Variants in CCDC171 observed in about 807,000 individuals in gnomAD.
CCDC171 encodes the protein coiled-coil domain-containing protein 171.
CCDC171 carries 177 observed loss-of-function variants against 168.2 expected under a neutral mutation model. That is an observed-to-expected ratio of 1.05 (90% CI 0.93 to 1.19). The LOEUF (loss-of-function observed/expected upper bound fraction) is 1.19, where lower values mean the gene tolerates loss of function less well. Among genes scored for constraint, CCDC171 ranks in the 50% most tolerant of loss-of-function variants. The pLI, the probability that CCDC171 is intolerant of heterozygous loss-of-function variation, is 0.00. For missense variants in CCDC171, 1,991 were observed against 1,539.0 expected, an observed-to-expected ratio of 1.29 and a Z score of -4.91; for synonymous variants, 687 against 540.8, an observed-to-expected ratio of 1.27 and a Z score of -3.75.
At chr9:16,106,039 C>G in the CCDC171 span, among the ~76,000 whole-genome samples, 1 of 152,204 alleles carries the variant, frequency 6.6e-6, no homozygotes, top group Non-Finnish European at 1.5e-5. Context: ...TGGCACTAAA[C>G]TCTGGCCTCT....
the CCDC171 span, among the ~76,000 whole-genome samples, chr9:16,088,441 C>T: frequency 1.3e-5 from 2 of 152,188 alleles, no homozygotes; most frequent in African/African-American, 4.8e-5. Context: ...TCTCTGTTTG[C>T]AAATGACATG....
At chr9:15,778,676 T>G (rs2057485782) in intron 19 of CCDC171, among the ~76,000 whole-genome samples, 2 of 145,600 alleles carry the variant, frequency 1.4e-5, no homozygotes, top group Admixed American at 1.4e-4. Context: ...GGCATGACAT[T>G]AGTGCTAAAT....
intron 4 of CCDC171, among the ~76,000 whole-genome samples, chr9:15,583,050 A>T (rs2041257615): frequency 6.6e-6 from 1 of 152,218 alleles, no homozygotes; most frequent in African/African-American, 2.4e-5. Flanking sequence ...ACGCAGGTTT[A>T]CAGCAGCACA....
intron 9 of CCDC171, among the ~76,000 whole-genome samples, chr9:15,673,503 T>C (rs1293262476): frequency 3.3e-5 from 5 of 152,226 alleles, no homozygotes; most frequent in South Asian, 2.1e-4. Context: ...ATAGCTCTTA[T>C]TATTTTGAGA....
intron 7 of CCDC171, among the ~76,000 whole-genome samples, chr9:15,632,014 C>T (rs1199412432): frequency 6.6e-6 from 1 of 152,060 alleles, no homozygotes; most frequent in South Asian, 2.1e-4. Context: ...ATTGATGGGA[C>T]GTGTCTCAAA....
chr9:15,628,475 G>A (rs1456366097), intron 7 of CCDC171, among the ~76,000 whole-genome samples: 2 of 152,226 alleles, frequency 1.3e-5, no homozygotes, highest in South Asian at 2.1e-4. Flanking sequence ...GAGGCTAGGG[G>A]AGGGGCGGCT....
At chr9:15,855,521 G>A (rs1033035772) in intron 23 of CCDC171, among the ~76,000 whole-genome samples, 2 of 151,656 alleles carry the variant, frequency 1.3e-5, no homozygotes, top group African/African-American at 2.4e-5. Context: ...ACTTTCAATT[G>A]GATATTTAAA....
At chr9:16,104,730 C>T in the CCDC171 span, among the ~76,000 whole-genome samples, 4 of 133,208 alleles carry the variant, frequency 3.0e-5, no homozygotes, top group African/African-American at 1.2e-4. Context: ...TCATATCATT[C>T]ATTGCTTTTT....
chr9:15,836,182 A>G (rs77610325), intron 21 of CCDC171, among the ~76,000 whole-genome samples: 74 of 152,212 alleles, frequency 4.9e-4, no homozygotes, highest in African/African-American at 1.7e-3. Context: ...ACCCTCTCCT[A>G]TGTTGCAGTG....
chr9:15,706,712 T>C (rs2052267359), intron 11 of CCDC171, among the ~76,000 whole-genome samples: 1 of 152,212 alleles, frequency 6.6e-6, no homozygotes, highest in South Asian at 2.1e-4. Context: ...TCCTTGTGGC[T>C]CAGTCTTGAA....
chr9:15,685,817 C>A (rs1318384531), intron 10 of CCDC171, among the ~76,000 whole-genome samples: 3 of 152,136 alleles, frequency 2.0e-5, no homozygotes, highest in Non-Finnish European at 1.5e-5. Flanking sequence ...AGCTAACTTT[C>A]TACTGGCTAT....
chr9:15,695,023 G>A (rs966150151), intron 10 of CCDC171, among the ~76,000 whole-genome samples: 1 of 152,162 alleles, frequency 6.6e-6, no homozygotes, highest in African/African-American at 2.4e-5. Context: ...ATAGTGCCAG[G>A]CACTAACTCC....
intron 24 of CCDC171, among the ~76,000 whole-genome samples, chr9:15,882,639 G>A (rs1818805318): frequency 6.6e-6 from 1 of 152,062 alleles, no homozygotes; most frequent in Non-Finnish European, 1.5e-5. Context: ...GCATTTAAAC[G>A]TCGGTTATAG....
chr9:16,041,272 A>G (rs1222852213), upstream of CCDC171, among the ~76,000 whole-genome samples: 1 of 152,200 alleles, frequency 6.6e-6, no homozygotes, highest in African/African-American at 2.4e-5. Context: ...GATTTGGCCA[A>G]CTAGGTCAGT....
chr9:15,852,822 T>C (rs920401024), intron 23 of CCDC171, among the ~76,000 whole-genome samples: 1 of 151,710 alleles, frequency 6.6e-6, no homozygotes, highest in Non-Finnish European at 1.5e-5. Context: ...GCACCATTTG[T>C]TGAAAAGGAT....
chr9:15,885,172 T>A (rs1310027370), intron 24 of CCDC171, among the ~76,000 whole-genome samples: 2 of 152,202 alleles, frequency 1.3e-5, no homozygotes, highest in African/African-American at 4.8e-5. Context: ...GGTGACAGTA[T>A]TTGCTTTTAT....
intron 6 of CCDC171, among the ~76,000 whole-genome samples, chr9:16,031,824 C>G (rs1833368324): frequency 6.6e-6 from 1 of 152,146 alleles, no homozygotes; most frequent in Admixed American, 6.5e-5. Context: ...CTACTGGACA[C>G]CATGGTCTGT....
At chr9:15,965,997 T>C (rs2132711693) in intron 25 of CCDC171, among the ~76,000 whole-genome samples, 1 of 152,356 alleles carries the variant, frequency 6.6e-6, no homozygotes, top group East Asian at 1.9e-4. Flanking sequence ...AAGTCGTTTG[T>C]TCATTCACTC....
rs1017712440 is a variant in CCDC171, at chr9:15,575,194, C to G, written c.177+3435C>G. Reference sequence around the variant, plus strand: ...TTTTTTTTTTTTTTTGAAACAGGGTCTCGCTCTGTCACCCAGGTTGGAGTG... The same window carrying G: ...TTTTTTTTTTTTTTTGAAACAGGGTGTCGCTCTGTCACCCAGGTTGGAGTG... On this transcript the variant is annotated intron_variant, in intron 3 of 25. Coordinates refer to ENST00000380701, the MANE Select transcript of CCDC171 (RefSeq NM_173550.4). Among the ~76,000 whole-genome samples the G allele has an allele frequency of 1.5e-4, 18 of 118,858 alleles. No homozygotes were observed. The Admixed American group carries it at 1.8e-3, about 12-fold the overall frequency. The allele number at this position is 118,858 out of a possible 152,430, so 78.0% of individuals were successfully genotyped here.
Sources: gnomAD v4.1 joint callset for allele counts (sites outside exome capture counted in the v4.1 genomes callset) on GRCh38, gnomAD v4.1.1 for gene constraint, MANE v1.5 for transcripts, NCBI Gene and HGNC (gene_info 2026-07-23, HGNC 2026-07-21) for gene names.